Variants in ZNF215 observed in about 807,000 individuals in gnomAD.
ZNF215 encodes zinc finger protein 215, also known as BWSCR2-associated zinc finger protein 2.
A neutral mutation model predicts 27.2 loss-of-function variants in ZNF215; 24 were observed. The ratio of observed to expected loss-of-function variants is 0.88; its 90% CI spans 0.64 to 1.24. The LOEUF is 1.24. Among genes scored for constraint, ZNF215 ranks in the 50% most tolerant of loss-of-function variants. The pLI is 0.00. For missense variants in ZNF215, 675 were observed against 605.7 expected (o/e 1.11, Z -1.20); for synonymous variants, 210 against 204.0 (o/e 1.03, Z -0.25).
In ZNF215 at chr11:6,943,196, C is replaced by A. The variant is rs1199420189; in HGVS notation, c.597C>A (p.Asn199Lys). 1 of 1,612,768 alleles carries A rather than the reference C, an allele frequency of 6.2e-7. No individual in the cohort carries two copies. Among genetic ancestry groups the A allele is most frequent in the Non-Finnish European group, 8.5e-7 (1 of 1,179,626 alleles). Reference protein sequence around the residue: ...YRNVMLENFRNLNSLRKAHLL... With the variant: ...YRNVMLENFRKLNSLRKAHLL... ...ATGTGATGCTGGAAAACTTTAGGAA[C>A]CTGAATTCATTGCGTAAAGGTGGTT... The change falls in exon 5 of 7, where the codon AAC (asparagine) becomes AAA (lysine). Residue 199 changes from asparagine (N) to lysine (K), a missense_variant. Coordinates refer to ENST00000278319, the MANE Select transcript of ZNF215 (RefSeq NM_013250.4).
chr11:6,928,999 A>C (rs1043402860), intron 2 of ZNF215, among the ~76,000 whole-genome samples: 1 of 151,866 alleles, frequency 6.6e-6, no homozygotes, highest in African/African-American at 2.4e-5. Context: ...GTTTGGGGAG[A>C]TGTCAAGGAG....
downstream of ZNF215, among the ~76,000 whole-genome samples, chr11:6,990,743 AAC>A (rs1174043012): frequency 3.9e-5 from 6 of 152,076 alleles, no homozygotes; most frequent in Non-Finnish European, 7.4e-5. Context: ...AGATCCCCAA[AAC>A]ACACACACAC....
downstream of ZNF215, among the ~76,000 whole-genome samples, chr11:6,986,889 T>A (rs1851062905): frequency 6.6e-6 from 1 of 152,036 alleles, no homozygotes; most frequent in African/African-American, 2.4e-5. Flanking sequence ...CAGCATCTGT[T>A]TCTCTGTTTC....
At chr11:6,969,861 G>A (rs1844906) in intron 5 of ZNF215, among the ~76,000 whole-genome samples, 150,377 of 152,244 alleles carry the variant, frequency 0.99, 74,285 homozygotes, top group Middle Eastern at 1. Context: ...GCTCACTGCA[G>A]TCTCCACCTC....
downstream of ZNF215, chr11:6,988,127 A>G: frequency 4.3e-6 from 4 of 932,080 alleles, no homozygotes; most frequent in Non-Finnish European, 5.1e-6. Flanking sequence ...GAGCAACAGC[A>G]ATTCATAATC....
rs556037153 is a variant in ZNF215 at position 6,956,205 on chromosome 11, A to T, written c.1228A>T (p.Ser410Cys). 2 of 1,613,056 alleles carry T rather than the reference A, an allele frequency of 1.2e-6. No homozygotes were observed. Among genetic ancestry groups the T allele is most frequent in the East Asian group, 4.5e-5 (2 of 44,870 alleles). ...CACAGGAGAGAAACCCTATAAATGCAGTGAATGTGGGAGATTCTTCAACCG... is the reference window on the plus strand; with the variant it reads ...CACAGGAGAGAAACCCTATAAATGCTGTGAATGTGGGAGATTCTTCAACCG... ...IHTGEKPYKCSECGRFFNRRT... is the reference protein window; with the variant it reads ...IHTGEKPYKCCECGRFFNRRT... The change falls in exon 7 of 7, where the codon AGT becomes TGT. Residue 410 changes from serine (S) to cysteine (C), a missense_variant. Ser to Cys is a moderately radical substitution (Grantham distance 112). Transcript: ENST00000278319.
At chr11:6,947,480 G>T (rs940557089) in intron 6 of ZNF215, among the ~76,000 whole-genome samples, 1 of 152,026 alleles carries the variant, frequency 6.6e-6, no homozygotes, top group Non-Finnish European at 1.5e-5. Flanking sequence ...GTTGGAGGCC[G>T]CAGTGAGCTA....
At chr11:6,934,613 C>A (rs1157410381) in intron 3 of ZNF215, among the ~76,000 whole-genome samples, 1 of 152,178 alleles carries the variant, frequency 6.6e-6, no homozygotes, top group South Asian at 2.1e-4. Context: ...ATCTCTAATA[C>A]TTTATTCTGT....
chr11:6,975,472 AT>A lies in ZNF215; in HGVS notation c.806-8647del, dbSNP rs922508343. 1.2e-3 allele frequency among the ~76,000 whole-genome samples: 177 copies of A among 148,146 alleles called. 1 individual carries two copies. The highest frequency in any genetic ancestry group is 2.1e-3 in the Non-Finnish European group (140 of 66,670). On this transcript the variant is annotated intron_variant, in intron 5 of 5. Coordinates refer to the ZNF215 transcript ENST00000529903. ...ATCCAATAGTAGGTCATATTATTCT[AT>A]TTTTTTTTTGTTCCCATTAACCATC...
downstream of ZNF215, among the ~76,000 whole-genome samples, chr11:6,987,053 T>C (rs1021255415): frequency 6.6e-6 from 1 of 152,022 alleles, no homozygotes; most frequent in Non-Finnish European, 1.5e-5. Flanking sequence ...CAAAAGAAAA[T>C]AAATCATTTT....
chr11:6,961,611 A>G (rs1292682490), downstream of ZNF215, among the ~76,000 whole-genome samples: 1 of 152,040 alleles, frequency 6.6e-6, no homozygotes, highest in Admixed American at 6.6e-5. Context: ...GTAGGGTTTG[A>G]TTGTCAGCCA....
At chr11:6,976,233 AT>A (rs1182032500) in intron 5 of ZNF215, among the ~76,000 whole-genome samples, 1 of 152,030 alleles carries the variant, frequency 6.6e-6, no homozygotes, top group Non-Finnish European at 1.5e-5. Flanking sequence ...CTTAAAAGGA[AT>A]TATTTCTTAA....
chr11:6,980,675 T>G (rs542272522), intron 5 of ZNF215, among the ~76,000 whole-genome samples: 1 of 151,550 alleles, frequency 6.6e-6, no homozygotes, highest in African/African-American at 2.4e-5. Flanking sequence ...TAGTTACATA[T>G]GTATACATGT....
At chr11:6,982,425 A>G (rs1850974338) in intron 5 of ZNF215, among the ~76,000 whole-genome samples, 1 of 151,896 alleles carries the variant, frequency 6.6e-6, no homozygotes. Flanking sequence ...CATCTACAGA[A>G]CTCTCCACCC....
Position 6,932,166 on chromosome 11 carries a change from G to A in ZNF215, c.-107G>A. On this transcript the variant is annotated 5_prime_UTR_variant, in exon 3 of 7. Transcript: ENST00000278319. ...TTTCCTCCTTACCGTGAAATAACTT[G>A]GCTTAAATCACACTGCATATAGTAC... is the stretch of plus-strand genomic sequence containing the variant. 7.3e-7 allele frequency: 1 copy of A among 1,365,306 alleles called. No individual in the cohort carries two copies. Among genetic ancestry groups the A allele is most frequent in the Non-Finnish European group, 9.9e-7 (1 of 1,012,340 alleles). 84.6% of individuals were successfully genotyped at this position (1,365,306 alleles called of 1,614,324 possible). A position where few individuals can be genotyped will look rare whatever the true frequency, so the allele number is the denominator to read the frequency against.
intron 5 of ZNF215, among the ~76,000 whole-genome samples, chr11:6,966,840 T>C (rs1476817353): frequency 3.3e-5 from 5 of 152,054 alleles, no homozygotes; most frequent in African/African-American, 1.2e-4. Flanking sequence ...CTTTAAGTTC[T>C]GGGATCCATG....
chr11:6,968,497 C>T (rs1850667116), intron 5 of ZNF215, among the ~76,000 whole-genome samples: 1 of 148,902 alleles, frequency 6.7e-6, no homozygotes, highest in African/African-American at 2.5e-5. Context: ...ACACTTTAAG[C>T]TCTCTGTGTG....
At chr11:6,969,372 T>G (rs912192317) in intron 5 of ZNF215, among the ~76,000 whole-genome samples, 1 of 152,184 alleles carries the variant, frequency 6.6e-6, no homozygotes, top group African/African-American at 2.4e-5. Context: ...AAAACTCACA[T>G]TTTTCCTGAT....
intron 2 of ZNF215, among the ~76,000 whole-genome samples, chr11:6,931,557 T>C (rs546879025): frequency 1.3e-5 from 2 of 152,110 alleles, no homozygotes; most frequent in South Asian, 2.1e-4. Context: ...CTAACAAATA[T>C]AAACTTTTCA....
Sources: gnomAD v4.1 joint callset for allele counts (sites outside exome capture counted in the v4.1 genomes callset) on GRCh38, gnomAD v4.1.1 for gene constraint, MANE v1.5 for transcripts, NCBI Gene and HGNC (gene_info 2026-07-23, HGNC 2026-07-21) for gene names.